ACACB: variants seen among roughly 807,000 people sequenced by gnomAD.
The protein encoded by ACACB is acetyl-CoA carboxylase 2.
In ACACB, 209 loss-of-function variants were observed where a neutral mutation model predicts 278.8. That is an observed-to-expected ratio of 0.75 (90% CI 0.67 to 0.84). The LOEUF is 0.84. Ranked by LOEUF, ACACB falls within the 40% of genes least tolerant of loss-of-function variation. The pLI is 0.00. For missense variants in ACACB, 2,850 were observed against 3,269.0 expected, an observed-to-expected ratio of 0.87 and a Z score of 3.13; for synonymous variants, 1,174 against 1,285.6, an observed-to-expected ratio of 0.91 and a Z score of 1.86.
chr12:109,222,802 C>A lies in ACACB; in HGVS notation c.3682C>A (p.Leu1228Met), dbSNP rs1396378667. The change falls in exon 26 of 53, where the codon CTG (leucine) becomes ATG (methionine). Residue 1228 changes from leucine (L) to methionine (M), a missense_variant. Leu to Met is a conservative substitution (Grantham distance 15). Transcript: ENST00000338432. ...CKVALRARQI[L>M]IASHLPSYEL... ...GCCCCCATCCCTCCCCCTGCAGATC[C>A]TGATTGCCTCCCACCTCCCCTCCTA... 9.9e-6 allele frequency: 16 copies of A among 1,613,002 alleles called. No homozygotes were observed. The highest frequency in any genetic ancestry group is 1.4e-5 in the Non-Finnish European group (16 of 1,179,428).
In ACACB at chr12:109,199,393, C is replaced by T. The variant is rs756469773; in HGVS notation, c.2628-9C>T. On this transcript the variant is annotated splice_polypyrimidine_tract_variant and intron_variant, in intron 17 of 52. Transcript: ENST00000338432. ...TCAGTCTCCCTACCCGACTCCTCCT[C>T]TCTCCCAGTTACCGAATTACCATCG... 2 of 1,471,752 alleles carry T rather than the reference C, an allele frequency of 1.4e-6. No individual in the cohort carries two copies. The highest frequency in any genetic ancestry group is 1.5e-5 in the South Asian group (1 of 67,384). 91.2% of individuals were successfully genotyped at this position (1,471,752 alleles called of 1,614,324 possible). A position where few individuals can be genotyped will look rare whatever the true frequency, so the allele number is the denominator to read the frequency against.
chr12:109,157,446 A>AT (rs1313857262), intron 2 of ACACB, among the ~76,000 whole-genome samples: 3 of 151,766 alleles, frequency 2.0e-5, no homozygotes, highest in Non-Finnish European at 4.4e-5. Flanking sequence ...TAATTTTTGT[A>AT]TTTTTTAGAG....
chr12:109,192,949 G>A (rs2044947373), intron 15 of ACACB, among the ~76,000 whole-genome samples: 1 of 152,222 alleles, frequency 6.6e-6, no homozygotes, highest in South Asian at 2.1e-4. Flanking sequence ...ATAGGCGTGA[G>A]CCACTGTGCC....
chr12:109,218,709 A>G (rs1276832280), intron 24 of ACACB, among the ~76,000 whole-genome samples: 1 of 146,370 alleles, frequency 6.8e-6, no homozygotes, highest in Non-Finnish European at 1.5e-5. Flanking sequence ...GCTGGGGTGC[A>G]ATGGCATAAT....
chr12:109,166,811 TC>T (rs1198642664), intron 2 of ACACB, 49 bp from the exon 3 acceptor site: 2 of 1,612,818 alleles, frequency 1.2e-6, no homozygotes, highest in African/African-American at 2.7e-5. Flanking sequence ...GAGCTCTGAG[TC>T]CCAGGCTTCT....
Position 109,216,634 on chromosome 12 carries a change from C to T in ACACB, c.3367C>T (p.Arg1123Cys), listed in dbSNP as rs762611929. The change falls in exon 23 of 53, where the codon CGC (arginine) becomes TGC (cysteine). Residue 1123 changes from arginine (R) to cysteine (C), a missense_variant. By Grantham distance (180) the Arg-to-Cys change is radical (BLOSUM62 -3). Transcript: ENST00000338432. ...TCTCCCCAGATACCGCAGCGGGATC[C>T]GCGGCTATATGAAAACAGTGGTGTT... ...QLVQRYRSGI[R>C]GYMKTVVLDL... The T allele has an allele frequency of 3.7e-6, 6 of 1,614,052 alleles. No individual in the cohort carries two copies. The African/African-American group carries it at 4.0e-5, about 11-fold the overall frequency.
chr12:109,213,537 C>T (rs1365413659), intron 22 of ACACB, among the ~76,000 whole-genome samples: 1 of 152,080 alleles, frequency 6.6e-6, no homozygotes, highest in Non-Finnish European at 1.5e-5. Context: ...TATTTCATCT[C>T]AAGTAGTTAT....
rs1235433928 is a variant in ACACB, at chr12:109,139,919, G to T, written c.514G>T (p.Asp172Tyr). 2 of 1,614,148 alleles carry T rather than the reference G, an allele frequency of 1.2e-6. No homozygotes were observed. Among genetic ancestry groups the T allele is most frequent in the East Asian group, 4.5e-5 (2 of 44,868 alleles). The change falls in exon 2 of 53, where the codon GAC becomes TAC. Residue 172 changes from aspartate (D) to tyrosine (Y), a missense_variant. Asp to Tyr is a radical substitution (Grantham distance 160, BLOSUM62 -3). Around this residue, in one of 3 missense-constraint regions of ACACB, gnomAD observed 2,265 missense variants for 2,561.3 expected, o/e 0.88. Transcript: ENST00000338432. Reference protein sequence around the residue: ...MTNFILGSFDDYSSDEDSVAG... With the variant: ...MTNFILGSFDYYSSDEDSVAG... ...CAACTTCATCCTGGGCTCTTTTGAT[G>T]ACTACTCCTCCGACGAGGACTCTGT...
chr12:109,180,100 G>C lies in ACACB; in HGVS notation c.1818+13G>C. 1 of 1,607,516 alleles carries C rather than the reference G, an allele frequency of 6.2e-7. No individual in the cohort carries two copies. Among genetic ancestry groups the C allele is most frequent in the East Asian group, 2.2e-5 (1 of 44,714 alleles). On this transcript the variant is annotated intron_variant, in intron 11 of 52. Coordinates refer to ENST00000338432, the MANE Select transcript of ACACB (RefSeq NM_001093.4). The stretch of plus-strand genomic sequence containing the variant: ...CGCCCAGCTACAGGTGAGAAAATGG[G>C]CTTGGGGCCCTGGGACTTCTCTGCC...
At chr12:109,113,142 C>T (rs1324796731), upstream of ACACB, 2 of 152,140 alleles carry the variant, frequency 1.3e-5, no homozygotes, top group Non-Finnish European at 2.9e-5. Context: ...GTCTGCAGAC[C>T]CCTGTGTGTA....
rs1265246768 is a variant in ACACB, at chr12:109,227,595, G to A, written c.4001+106G>A. 3 of 1,048,382 alleles carry A rather than the reference G, an allele frequency of 2.9e-6. No homozygotes were observed. The East Asian group carries it at 7.2e-5, about 25-fold the overall frequency. The allele number at this position is 1,048,382 out of a possible 1,614,324, so 64.9% of individuals were successfully genotyped here. ...GCAAGTGTGTTTGGGCACGCTGCTG[G>A]GGAGACATCAGCGATAAGCACTTCC... On this transcript the variant is annotated intron_variant, in intron 28 of 52. Coordinates refer to ENST00000338432, the MANE Select transcript of ACACB (RefSeq NM_001093.4).
chr12:109,164,910 T>C (rs2043849555), intron 2 of ACACB, among the ~76,000 whole-genome samples: 1 of 151,664 alleles, frequency 6.6e-6, no homozygotes, highest in Non-Finnish European at 1.5e-5. Context: ...GAAAGCTACT[T>C]GAGGATGTCT....
Position 109,222,884 on chromosome 12 carries a change from G to A in ACACB, c.3764G>A (p.Gly1255Asp). The change falls in exon 26 of 53, where the codon GGC (glycine) becomes GAC (aspartate). Residue 1255 changes from glycine to aspartate, a missense_variant. This residue lies in a region of ACACB where 2,265 missense variants were observed against 2,561.3 expected (regional missense o/e 0.88). Coordinates refer to ENST00000338432, the MANE Select transcript of ACACB (RefSeq NM_001093.4). ...SIFLSAIDMYGHQFCPENLKK... is the reference protein window; with the variant it reads ...SIFLSAIDMYDHQFCPENLKK... ...TTCCTGTCTGCCATTGACATGTACG[G>A]CCACCAGTTCTGCCCCGAGAACCTC... The A allele has an allele frequency of 6.2e-7, 1 of 1,613,218 alleles. No individual in the cohort carries two copies. Among genetic ancestry groups the A allele is most frequent in the Non-Finnish European group, 8.5e-7 (1 of 1,179,644 alleles).
intron 33 of ACACB, chr12:109,236,362 T>A (rs2046633001): frequency 6.6e-6 from 1 of 152,364 alleles, no homozygotes; most frequent in African/African-American, 2.4e-5. Flanking sequence ...GCTGATGTAC[T>A]CAGTAAGACA....
chr12:109,235,153 G>A (rs1266885040), intron 31 of ACACB, among the ~76,000 whole-genome samples, 160 bp from the exon 32 acceptor site: 2 of 152,082 alleles, frequency 1.3e-5, no homozygotes, highest in African/African-American at 2.4e-5. Context: ...TATTCTGGAC[G>A]TTTCATATAA....
chr12:109,201,501 A>C, intron 18 of ACACB, 66 bp from the exon 19 acceptor site: 1 of 1,586,048 alleles, frequency 6.3e-7, no homozygotes, highest in Non-Finnish European at 8.6e-7. Context: ...CGGCATCACT[A>C]GTTCTGGGTG....
intron 42 of ACACB, 30 bp downstream of exon 42, chr12:109,252,186 A>C: frequency 1.3e-6 from 2 of 1,488,822 alleles, no homozygotes; most frequent in Non-Finnish European, 1.8e-6. Flanking sequence ...TGCAGAGTGG[A>C]TCCTTGGGGG....
At chr12:109,123,035 G>T (rs138643721) in intron 1 of ACACB, among the ~76,000 whole-genome samples, 3,748 of 151,988 alleles carry the variant, frequency 0.025, 225 homozygotes, top group East Asian at 0.25. Flanking sequence ...CAAAAAATTA[G>T]CCGGGCGTGG....
intron 33 of ACACB, among the ~76,000 whole-genome samples, chr12:109,236,563 C>T (rs2046637888): frequency 6.6e-6 from 1 of 152,178 alleles, no homozygotes. Context: ...CCCGTATGAT[C>T]CATCAGCCTA....
Sources: allele counts gnomAD v4.1 joint callset (sites outside exome capture counted in the v4.1 genomes callset), GRCh38; gene constraint gnomAD v4.1.1; regional missense constraint gnomAD v4.1.1; transcripts MANE v1.5; gene names NCBI Gene and HGNC (gene_info 2026-07-23, HGNC 2026-07-21).